CUEDC1: variants seen among roughly 807,000 people sequenced by gnomAD.
The protein encoded by CUEDC1 is CUE domain-containing protein 1.
CUEDC1 carries 30 observed loss-of-function variants against 43.7 expected under a neutral mutation model. That is an observed-to-expected ratio of 0.69 (90% CI 0.51 to 0.93). The LOEUF (loss-of-function observed/expected upper bound fraction) is 0.93, where lower values mean the gene tolerates loss of function less well. Ranked by LOEUF, CUEDC1 falls within the 40% of genes least tolerant of loss-of-function variation. The pLI, the probability that CUEDC1 is intolerant of heterozygous loss-of-function variation, is 0.00. For synonymous variants in CUEDC1, 223 were observed against 223.6 expected (o/e 1.00, Z 0.02); for missense variants, 486 against 549.0 (o/e 0.89, Z 1.15).
At chr17:57,894,914 C>A (rs1374191579) in intron 1 of CUEDC1, among the ~76,000 whole-genome samples, 1 of 152,108 alleles carries the variant, frequency 6.6e-6, no homozygotes, top group Non-Finnish European at 1.5e-5. Context: ...GTGGCTGCCA[C>A]AAAAGGCACC....
chr17:57,949,564 CTTTTTTTTTT>C (rs1194743025), intron 1 of CUEDC1, among the ~76,000 whole-genome samples: 1 of 79,920 alleles, frequency 1.3e-5, no homozygotes, highest in Non-Finnish European at 2.3e-5. Context: ...CTCTGACATA[CTTTTTTTTTT>C]TTTTTTTTTT....
intron 1 of CUEDC1, among the ~76,000 whole-genome samples, chr17:57,918,970 C>T (rs1485883548): frequency 1.3e-5 from 2 of 152,116 alleles, no homozygotes; most frequent in Non-Finnish European, 2.9e-5. Flanking sequence ...GCTTCTGCCT[C>T]AGCCTCCCCA....
intron 1 of CUEDC1, among the ~76,000 whole-genome samples, chr17:57,898,229 G>A (rs556040137): frequency 6.6e-6 from 1 of 152,324 alleles, no homozygotes; most frequent in East Asian, 1.9e-4. Context: ...GGGAAGGAAT[G>A]AGGGCCGAGT....
intron 1 of CUEDC1, among the ~76,000 whole-genome samples, chr17:57,916,303 C>A (rs1015574836): frequency 6.6e-6 from 1 of 152,256 alleles, no homozygotes; most frequent in African/African-American, 2.4e-5. Flanking sequence ...GAGGGCAGGC[C>A]AGGACAGGAG....
chr17:57,875,814 A>G (rs2074115821), intron 3 of CUEDC1, among the ~76,000 whole-genome samples: 1 of 152,162 alleles, frequency 6.6e-6, no homozygotes, highest in Non-Finnish European at 1.5e-5. Context: ...ATGGAACATC[A>G]GACCTGATGG....
Position 57,894,615 on chromosome 17 carries a change from A to T in CUEDC1, c.-315-8736T>A, listed in dbSNP as rs148885910. The stretch of plus-strand genomic sequence containing the variant: ...GAACCAGGAGGCAGAGGTTGCAGTG[A>T]GCCAAGATCACACCACTGTACTCCA... On this transcript the variant is annotated intron_variant, in intron 1 of 10. Transcript: ENST00000577830. Among the ~76,000 whole-genome samples the T allele has an allele frequency of 8.1e-3, 1,227 of 152,342 alleles. 15 individuals are homozygous for T. Among genetic ancestry groups the T allele is most frequent in the African/African-American group, 0.028 (1,156 of 41,570 alleles).
intron 1 of CUEDC1, among the ~76,000 whole-genome samples, chr17:57,951,619 C>T (rs551697445): frequency 1.3e-5 from 2 of 152,130 alleles, no homozygotes; most frequent in Admixed American, 6.5e-5. Flanking sequence ...CCACCATGCC[C>T]GGCTAATTTT....
At chr17:57,867,484 G>T in intron 8 of CUEDC1, 69 bp from the exon 9 acceptor site, 2 of 1,388,890 alleles carry the variant, frequency 1.4e-6, no homozygotes, top group South Asian at 2.5e-5. Context: ...CAGTCCCACT[G>T]ACTCTCTGCC....
intron 1 of CUEDC1, among the ~76,000 whole-genome samples, chr17:57,905,664 C>T (rs1382419819): frequency 1.3e-5 from 2 of 152,216 alleles, no homozygotes; most frequent in Admixed American, 6.5e-5. Flanking sequence ...CAGGGCACAT[C>T]CACATGCAGC....
At chr17:57,888,107 T>C (rs2074317007) in intron 1 of CUEDC1, among the ~76,000 whole-genome samples, 1 of 151,962 alleles carries the variant, frequency 6.6e-6, no homozygotes, top group Non-Finnish European at 1.5e-5. Flanking sequence ...TTTACCATGT[T>C]GGCCAGGCTG....
intron 3 of CUEDC1, among the ~76,000 whole-genome samples, chr17:57,877,464 T>C (rs1430355948): frequency 6.6e-6 from 1 of 151,858 alleles, no homozygotes; most frequent in Non-Finnish European, 1.5e-5. Flanking sequence ...ACCCTGTTTC[T>C]ATTTAAAGAA....
At chr17:57,868,032 G>C in intron 8 of CUEDC1, 118 bp downstream of exon 8, 1 of 798,054 alleles carries the variant, frequency 1.3e-6, no homozygotes, top group Non-Finnish European at 2.1e-6. Context: ...GGAAGGGAAG[G>C]CCACAGAGCC....
intron 1 of CUEDC1, among the ~76,000 whole-genome samples, chr17:57,924,213 T>G (rs922397067): frequency 2.0e-5 from 3 of 152,032 alleles, no homozygotes; most frequent in African/African-American, 7.2e-5. Flanking sequence ...TCAAGCGATT[T>G]TTATGCCTCA....
intron 1 of CUEDC1, chr17:57,912,414 C>T (rs1313510614): frequency 1.3e-5 from 2 of 152,196 alleles, no homozygotes; most frequent in East Asian, 3.8e-4. Context: ...CGGTAAATGT[C>T]TGAGGAACAG....
chr17:57,896,718 A>T, intron 1 of CUEDC1, among the ~76,000 whole-genome samples: 1 of 151,662 alleles, frequency 6.6e-6, no homozygotes. Flanking sequence ...ATTACTAAGA[A>T]CATTAAAGTA....
intron 3 of CUEDC1, 49 bp downstream of exon 3, chr17:57,879,562 T>C (rs750356133): frequency 3.9e-6 from 6 of 1,534,978 alleles, no homozygotes; most frequent in Non-Finnish European, 5.2e-6. Flanking sequence ...CCCCAGCCAC[T>C]GATCCTCTTC....
chr17:57,927,560 C>T (rs971226048), intron 1 of CUEDC1, among the ~76,000 whole-genome samples: 2 of 152,198 alleles, frequency 1.3e-5, no homozygotes, highest in African/African-American at 4.8e-5. Context: ...AACAACAGCA[C>T]ATGGAAATTA....
At chr17:57,866,369 G>T in intron 10 of CUEDC1, 105 bp downstream of exon 10, 1 of 1,002,626 alleles carries the variant, frequency 1.0e-6, no homozygotes, top group Non-Finnish European at 1.5e-6. Context: ...CTACCCAGTT[G>T]CCTGAGCCCA....
At chr17:57,949,494 C>T (rs922284006) in intron 1 of CUEDC1, among the ~76,000 whole-genome samples, 1 of 151,732 alleles carries the variant, frequency 6.6e-6, no homozygotes, top group African/African-American at 2.4e-5. Context: ...ACACAAATCC[C>T]ACAACCCCCC....
Sources: allele counts gnomAD v4.1 joint callset (sites outside exome capture counted in the v4.1 genomes callset), GRCh38; gene constraint gnomAD v4.1.1; transcripts MANE v1.5; gene names NCBI Gene and HGNC (gene_info 2026-07-23, HGNC 2026-07-21).